Variants in TLK1 observed in about 807,000 individuals in gnomAD.
TLK1 encodes tousled like kinase 1.
TLK1 carries 24 observed loss-of-function variants against 105.3 expected under a neutral mutation model. The ratio of observed to expected loss-of-function variants is 0.23; its 90% CI spans 0.17 to 0.32. TLK1 has a LOEUF of 0.32. TLK1 is among the 10% of genes least tolerant of loss of function. TLK1 has a pLI of 1.00. For missense variants in TLK1, 558 were observed against 910.5 expected, an observed-to-expected ratio of 0.61 and a Z score of 4.98; for synonymous variants, 321 against 310.4, an observed-to-expected ratio of 1.03 and a Z score of -0.36.
intron 18 of TLK1, among the ~76,000 whole-genome samples, chr2:171,002,939 G>T (rs960217198): frequency 6.6e-6 from 1 of 151,626 alleles, no homozygotes; most frequent in Admixed American, 6.6e-5. Context: ...CACCGTGCAC[G>T]GCTTCCATTT....
chr2:171,104,173 G>A (rs1011317421), intron 2 of TLK1, among the ~76,000 whole-genome samples: 1 of 151,970 alleles, frequency 6.6e-6, no homozygotes, highest in African/African-American at 2.4e-5. Flanking sequence ...CTACTTGGGA[G>A]GCTGAGGCAT....
At chr2:171,140,761 T>C (rs764023060) in intron 1 of TLK1, among the ~76,000 whole-genome samples, 7 of 152,118 alleles carry the variant, frequency 4.6e-5, no homozygotes, top group Non-Finnish European at 7.3e-5. Context: ...ACAATAAAAA[T>C]TAACCAGAAA....
At chr2:171,105,768 G>C (rs541182480) in intron 2 of TLK1, among the ~76,000 whole-genome samples, 2 of 151,864 alleles carry the variant, frequency 1.3e-5, no homozygotes. Flanking sequence ...GTGGAAGTGC[G>C]AATTAGTATA....
intron 12 of TLK1, among the ~76,000 whole-genome samples, chr2:171,027,470 GATACACATTATTTAAAA>G (rs1203112617): frequency 1.3e-5 from 2 of 152,140 alleles, no homozygotes; most frequent in Non-Finnish European, 2.9e-5. Flanking sequence ...CAAGTAGAAA[GATACACATTATTTAAAA>G]GTTTACGACA....
chr2:171,226,749 A>G (rs1693904516), intron 1 of TLK1, among the ~76,000 whole-genome samples: 1 of 152,196 alleles, frequency 6.6e-6, no homozygotes, highest in Non-Finnish European at 1.5e-5. Context: ...AAAGTGGCAG[A>G]TGGCAATTTC....
chr2:171,091,715 TTTGTTGTTGTTG>T (rs71399599), intron 2 of TLK1: 6,642 of 148,358 alleles, frequency 0.045, 390 homozygotes, highest in East Asian at 0.27. Context: ...GGGGGGTGTC[TTTGTTGTTGTTG>T]TTGTTGTTGT....
chr2:171,227,569 T>TTTTTC, intron 1 of TLK1, among the ~76,000 whole-genome samples: 1 of 11,904 alleles, frequency 8.4e-5, no homozygotes, highest in Non-Finnish European at 1.5e-4. Flanking sequence ...GTAAATCTCC[T>TTTTTC]TTTTTTTTTT....
intron 8 of TLK1, among the ~76,000 whole-genome samples, chr2:171,051,860 G>A (rs1310587258): frequency 6.6e-6 from 1 of 152,168 alleles, no homozygotes; most frequent in Non-Finnish European, 1.5e-5. Context: ...GGCAGTATAA[G>A]AATGAGCTTT....
At chr2:171,115,619 A>G (rs1313622217) in intron 2 of TLK1, among the ~76,000 whole-genome samples, 5 of 152,230 alleles carry the variant, frequency 3.3e-5, no homozygotes, top group African/African-American at 4.8e-5. Flanking sequence ...TCTTACAATT[A>G]TTAGATGAAT....
chr2:171,162,159 C>T (rs559374709), upstream of TLK1, among the ~76,000 whole-genome samples: 1 of 152,278 alleles, frequency 6.6e-6, no homozygotes, highest in African/African-American at 2.4e-5. Context: ...AGTTTTTAGT[C>T]TTGTCTGCTT....
chr2:171,217,781 T>C (rs972377287), intron 1 of TLK1, among the ~76,000 whole-genome samples: 7 of 152,200 alleles, frequency 4.6e-5, no homozygotes, highest in African/African-American at 7.2e-5. Context: ...GTACGTGTAA[T>C]ATGGTCTTAT....
intron 3 of TLK1, among the ~76,000 whole-genome samples, chr2:171,063,121 A>G (rs1167707639): frequency 1.3e-5 from 2 of 152,122 alleles, no homozygotes; most frequent in African/African-American, 4.8e-5. Flanking sequence ...CGAGGCGGGC[A>G]GATCATATGA....
chr2:171,008,810 T>G (rs1684765194), intron 14 of TLK1, among the ~76,000 whole-genome samples: 1 of 144,264 alleles, frequency 6.9e-6, no homozygotes, highest in South Asian at 2.3e-4. Context: ...CTTTCTAATC[T>G]CTATGTAAGC....
At chr2:171,107,291 G>T (rs1307230186) in intron 2 of TLK1, among the ~76,000 whole-genome samples, 1 of 152,154 alleles carries the variant, frequency 6.6e-6, no homozygotes, top group African/African-American at 2.4e-5. Flanking sequence ...GTGAGAAATG[G>T]TGTCCATTTT....
At position 171,026,961 on chromosome 2, in the gene TLK1, T is replaced by C. The variant is rs370177171; in HGVS notation, c.1236+1378A>G. ...AACTACTTAAATAACAAAACCAAAATAAATCACTTTTTAATTCACTGTTCA... is the reference window on the plus strand; with the variant it reads ...AACTACTTAAATAACAAAACCAAAACAAATCACTTTTTAATTCACTGTTCA... On this transcript the variant is annotated intron_variant, in intron 12 of 20. Coordinates refer to ENST00000431350, the MANE Select transcript of TLK1 (RefSeq NM_012290.5). Among the ~76,000 whole-genome samples, 768 of 152,066 alleles carry C rather than the reference T, an allele frequency of 5.1e-3. 6 individuals carry two copies. The highest frequency in any genetic ancestry group is 0.017 in the African/African-American group (714 of 41,520).
At chr2:171,011,582 AT>A (rs1684919372) in intron 13 of TLK1, 128 bp from the exon 14 acceptor site, 4 of 715,176 alleles carry the variant, frequency 5.6e-6, no homozygotes, top group Non-Finnish European at 9.0e-6. Context: ...CTAATTTCAA[AT>A]TTCATTCAAT....
upstream of TLK1, among the ~76,000 whole-genome samples, chr2:171,163,369 TAA>T (rs1267777919): frequency 6.6e-6 from 1 of 152,232 alleles, no homozygotes; most frequent in Non-Finnish European, 1.5e-5. Context: ...TTTTTATACC[TAA>T]ATACATGCAC....
chr2:170,992,022 T>C lies in TLK1; in HGVS notation c.*1758A>G, dbSNP rs1047770826. 2 of 152,144 alleles carry C rather than the reference T, an allele frequency of 1.3e-5. No individual in the cohort carries two copies. The highest frequency in any genetic ancestry group is 4.8e-5 in the African/African-American group (2 of 41,430). The allele number at this position is 152,144 out of a possible 1,614,324, so 9.4% of individuals were successfully genotyped here. A position where few individuals can be genotyped will look rare whatever the true frequency, so the allele number is the denominator to read the frequency against. On this transcript the variant is annotated 3_prime_UTR_variant, in exon 21 of 21. Coordinates refer to ENST00000431350, the MANE Select transcript of TLK1 (RefSeq NM_012290.5). The stretch of plus-strand genomic sequence containing the variant: ...AGTTGCCTTGATAATGGTTATTAGG[T>C]TTAACTTTAACAGCTTGAAACAATT...
intron 8 of TLK1, among the ~76,000 whole-genome samples, chr2:171,052,469 T>G (rs2105433414): frequency 6.6e-6 from 1 of 152,242 alleles, no homozygotes; most frequent in East Asian, 1.9e-4. Context: ...AAATGTCAAC[T>G]AAAAGCAGAA....
Sources: allele counts gnomAD v4.1 joint callset (sites outside exome capture counted in the v4.1 genomes callset), GRCh38; gene constraint gnomAD v4.1.1; transcripts MANE v1.5; gene names NCBI Gene and HGNC (gene_info 2026-07-23, HGNC 2026-07-21).